PCDHGB4: variants seen among roughly 807,000 people sequenced by gnomAD.
The protein encoded by PCDHGB4 is protocadherin gamma-B4.
A neutral mutation model predicts 60.5 loss-of-function variants in PCDHGB4; 38 were observed. That is an observed-to-expected ratio of 0.63 (90% CI 0.48 to 0.82). The LOEUF is 0.82. Ranked by LOEUF, PCDHGB4 falls within the 40% of genes least tolerant of loss-of-function variation. The pLI is 0.00. For synonymous variants in PCDHGB4, 456 were observed against 509.7 expected (o/e 0.89, Z 1.42); for missense variants, 1,109 against 1,209.6 (o/e 0.92, Z 1.23).
intron 1 of PCDHGB4, chr5:141,418,730 G>A (rs371887408): frequency 6.2e-6 from 10 of 1,613,832 alleles, no homozygotes; most frequent in African/African-American, 1.3e-5. Context: ...AGCTCAGCAC[G>A]TGTTCTCTCT....
rs530622003 is a variant in PCDHGB4, at chr5:141,437,077, T to G, written c.2397+46796T>G. ...TGATCATTATTTGGTTTGGGCCATA[T>G]AAGAATTGAAACTAACGGCTTAGCT... On this transcript the variant is annotated intron_variant, in intron 1 of 3. Transcript: ENST00000519479. Among the ~76,000 whole-genome samples, 107 of 152,372 alleles carry G rather than the reference T, an allele frequency of 7.0e-4. 1 individual carries two copies. The highest frequency in any genetic ancestry group is 6.4e-3 in the South Asian group (31 of 4,828).
rs770930842 is a variant in PCDHGB4 at position 141,432,673 on chromosome 5, C to G, written c.2397+42392C>G. 10 of 1,613,804 alleles carry G rather than the reference C, an allele frequency of 6.2e-6. No homozygotes were observed. The East Asian group carries it at 1.3e-4, about 22-fold the overall frequency. ...GAGCCCTGCTGGACAGAGACGCGCT[C>G]AAGCAGAGCCTCGTAGTGGCCGTCC... is the stretch of plus-strand genomic sequence containing the variant. On this transcript the variant is annotated intron_variant, in intron 1 of 3. Transcript: ENST00000519479. The surrounding 1 kb of genome is among the most constrained non-coding windows in gnomAD (Gnocchi z 6.0).
chr5:141,487,812 T>A lies in PCDHGB4; in HGVS notation c.2398-6995T>A. ...TAACCAGAGTTGTCACAGTTTAGCA[T>A]TGGGGGCGGGTCATGCCTATATCTG... On this transcript the variant is annotated intron_variant, in intron 1 of 3. Coordinates refer to ENST00000519479, the MANE Select transcript of PCDHGB4 (RefSeq NM_003736.4). The surrounding 1 kb of genome is among the most constrained non-coding windows in gnomAD (Gnocchi z 5.0). 1 of 1,408,206 alleles carries A rather than the reference T, an allele frequency of 7.1e-7. No individual in the cohort carries two copies. The highest frequency in any genetic ancestry group is 9.7e-7 in the Non-Finnish European group (1 of 1,036,248). 87.2% of individuals were successfully genotyped at this position (1,408,206 alleles called of 1,614,324 possible). A position where few individuals can be genotyped will look rare whatever the true frequency, so the allele number is the denominator to read the frequency against.
Position 141,494,802 on chromosome 5 carries a change from C to T in PCDHGB4, c.2398-5C>T. 5 of 1,614,120 alleles carry T rather than the reference C, an allele frequency of 3.1e-6. No individual in the cohort carries two copies. The highest frequency in any genetic ancestry group is 4.2e-6 in the Non-Finnish European group (5 of 1,180,016). ...TCAGCCCCTTTCCCTCTGTTTTCTC[C>T]ACAGCAAGCCCCGCCCAACACGGAC... is the stretch of plus-strand genomic sequence containing the variant. On this transcript the variant is annotated splice_polypyrimidine_tract_variant and splice_region_variant and intron_variant, in intron 1 of 3. Transcript: ENST00000519479.
intron 1 of PCDHGB4, chr5:141,423,696 T>A: frequency 4.0e-6 from 6 of 1,492,822 alleles, no homozygotes; most frequent in Non-Finnish European, 5.3e-6. Flanking sequence ...ATTGTTGGTG[T>A]CTTGGCACAA....
chr5:141,413,682 C>G, intron 1 of PCDHGB4: 1 of 1,613,798 alleles, frequency 6.2e-7, no homozygotes, highest in South Asian at 1.1e-5. Context: ...TGGGCGTGAA[C>G]TCCCTGCAGA....
intron 1 of PCDHGB4, among the ~76,000 whole-genome samples, chr5:141,494,463 C>G (rs1178793763): frequency 6.6e-6 from 1 of 152,154 alleles, no homozygotes; most frequent in Non-Finnish European, 1.5e-5. Context: ...TTGTCTGCAC[C>G]TCTTCCCCCA....
chr5:141,431,297 C>T lies in PCDHGB4; in HGVS notation c.2397+41016C>T. The T allele has an allele frequency of 6.2e-7, 1 of 1,614,126 alleles. No homozygotes were observed. The highest frequency in any genetic ancestry group is 8.5e-7 in the Non-Finnish European group (1 of 1,180,036). Reference sequence around the variant, plus strand: ...GCTCAGCCCGAACACTCACTTCTCCCTCATCGTGCAAAATGGAGCCGACGG... The same window carrying T: ...GCTCAGCCCGAACACTCACTTCTCCTTCATCGTGCAAAATGGAGCCGACGG... On this transcript the variant is annotated intron_variant, in intron 1 of 3. Coordinates refer to ENST00000519479, the MANE Select transcript of PCDHGB4 (RefSeq NM_003736.4). This position sits in a 1 kb window ranked among gnomAD's most constrained non-coding sequence, Gnocchi z 4.8.
intron 1 of PCDHGB4, among the ~76,000 whole-genome samples, chr5:141,465,905 G>A (rs938438286): frequency 6.6e-6 from 1 of 151,958 alleles, no homozygotes; most frequent in Admixed American, 6.6e-5. Flanking sequence ...GGCAAATCAC[G>A]AGGTCAGGAT....
chr5:141,405,089 G>T, intron 1 of PCDHGB4: 2 of 1,613,878 alleles, frequency 1.2e-6, no homozygotes, highest in South Asian at 2.2e-5. Context: ...CACGCTGCTG[G>T]CCCTCAGGCT....
At chr5:141,399,653 TG>T in intron 1 of PCDHGB4, 1 of 1,613,606 alleles carries the variant, frequency 6.2e-7, no homozygotes, top group Non-Finnish European at 8.5e-7. Flanking sequence ...CAAAGTGGGG[TG>T]GTGTTCGCGC....
At position 141,476,902 on chromosome 5, in the gene PCDHGB4, C is replaced by T. The variant is rs1399250599; in HGVS notation, c.2398-17905C>T. ...TGGAGGATGCACCCTCCGGCACGCG[C>T]GTGGTACAAGTCCTTGCAACGGATC... On this transcript the variant is annotated intron_variant, in intron 1 of 3. Transcript: ENST00000519479. This position sits in a 1 kb window ranked among gnomAD's most constrained non-coding sequence, Gnocchi z 7.6. 2 of 1,613,998 alleles carry T rather than the reference C, an allele frequency of 1.2e-6. No individual in the cohort carries two copies. The highest frequency in any genetic ancestry group is 1.7e-6 in the Non-Finnish European group (2 of 1,180,034).
At position 141,485,009 on chromosome 5, in the gene PCDHGB4, C is replaced by T. The variant is rs531346426; in HGVS notation, c.2398-9798C>T. The T allele has an allele frequency of 6.4e-5, 40 of 628,334 alleles. No homozygotes were observed. Among genetic ancestry groups the T allele is most frequent in the Admixed American group, 5.3e-4 (18 of 33,986 alleles). The allele number at this position is 628,334 out of a possible 1,614,324, so 38.9% of individuals were successfully genotyped here. On this transcript the variant is annotated intron_variant, in intron 1 of 3. Transcript: ENST00000519479. The surrounding 1 kb of genome is among the most constrained non-coding windows in gnomAD (Gnocchi z 5.7). Reference sequence around the variant, plus strand: ...GGTGGTGAAAGGCAGACAAATCTACCCCGCCACCAGCAAAAACGGCGCGTA... The same window carrying T: ...GGTGGTGAAAGGCAGACAAATCTACTCCGCCACCAGCAAAAACGGCGCGTA...
intron 1 of PCDHGB4, among the ~76,000 whole-genome samples, chr5:141,483,294 T>G (rs1392406131): frequency 2.0e-5 from 3 of 152,100 alleles, no homozygotes; most frequent in Non-Finnish European, 4.4e-5. Flanking sequence ...CAGTCATAAG[T>G]GAAGGGACTG....
chr5:141,402,593 G>T (rs4151700), intron 1 of PCDHGB4, among the ~76,000 whole-genome samples: 8,085 of 152,244 alleles, frequency 0.053, 229 homozygotes, highest in South Asian at 0.08. Flanking sequence ...AAAATAGATT[G>T]CTTTTGAAAT....
chr5:141,427,905 A>G (rs754321006), intron 1 of PCDHGB4: 1 of 1,574,682 alleles, frequency 6.4e-7, no homozygotes, highest in South Asian at 1.1e-5. Context: ...GCCCGCGCTC[A>G]GCGCCAACAT....
In PCDHGB4 at chr5:141,511,555, C is replaced by T; in HGVS notation, c.*382C>T. 1 of 305,302 alleles carries T rather than the reference C, an allele frequency of 3.3e-6. No individual in the cohort carries two copies. Among genetic ancestry groups the T allele is most frequent in the South Asian group, 3.6e-5 (1 of 28,078 alleles). 18.9% of individuals were successfully genotyped at this position (305,302 alleles called of 1,614,324 possible). ...CCTCCCCACCCCACTCCAACAGTTC[C>T]TCTTTCCCGAGTAAGGTGGTTGGGG... On this transcript the variant is annotated 3_prime_UTR_variant, in exon 4 of 4. Coordinates refer to ENST00000519479, the MANE Select transcript of PCDHGB4 (RefSeq NM_003736.4).
chr5:141,389,576 G>C lies in PCDHGB4; in HGVS notation c.1692G>C (p.Ala564=). ...ATGCGCCACGGGTGCTGTACCCCGC[G>C]CTGGGTCCCGACGGCTCTGCGCTCT... ...NDNAPRVLYP[A]LGPDGSALFD... Residue 564 remains alanine (A), a synonymous_variant, in exon 1 of 4, where the codon GCG becomes GCC. Coordinates refer to ENST00000519479, the MANE Select transcript of PCDHGB4 (RefSeq NM_003736.4). 6.2e-7 allele frequency: 1 copy of C among 1,613,196 alleles called. No homozygotes were observed. Among genetic ancestry groups the C allele is most frequent in the East Asian group, 2.2e-5 (1 of 44,868 alleles).
chr5:141,472,542 G>GA (rs904556404), intron 1 of PCDHGB4, among the ~76,000 whole-genome samples: 21 of 147,124 alleles, frequency 1.4e-4, no homozygotes, highest in Admixed American at 7.4e-4. Flanking sequence ...ACCATCTCAA[G>GA]AAAAAAAAAA....
Sources: allele counts gnomAD v4.1 joint callset (sites outside exome capture counted in the v4.1 genomes callset), GRCh38; gene constraint gnomAD v4.1.1; non-coding constraint Gnocchi (gnomAD v3.1); transcripts MANE v1.5; gene names NCBI Gene and HGNC (gene_info 2026-07-23, HGNC 2026-07-21).